Variants in NFATC1 observed in about 807,000 individuals in gnomAD.
The protein encoded by NFATC1 is nuclear factor of activated T cells 1.
NFATC1 carries 22 observed loss-of-function variants against 76.0 expected under a neutral mutation model. That is an observed-to-expected ratio of 0.29 (90% confidence interval 0.21 to 0.41). NFATC1 has a LOEUF of 0.41. Among genes scored for constraint, NFATC1 ranks in the 10% least tolerant of loss-of-function variants. The pLI, the probability that NFATC1 is intolerant of heterozygous loss-of-function variation, is 1.00. For synonymous variants in NFATC1, 704 were observed against 613.1 expected, an observed-to-expected ratio of 1.15 and a Z score of -2.19; for missense variants, 1,357 against 1,337.7, an observed-to-expected ratio of 1.01 and a Z score of -0.23.
intron 2 of NFATC1, among the ~76,000 whole-genome samples, chr18:79,426,510 T>A (rs1025407423): frequency 6.6e-6 from 1 of 152,204 alleles, no homozygotes; most frequent in Non-Finnish European, 1.5e-5. Context: ...GTGTCGGGAC[T>A]CGCAGGGCCT....
intron 2 of NFATC1, 36 bp downstream of exon 2, chr18:79,411,537 G>GGGGAGGCGCGGGGCGGGGC (rs2085683901): frequency 2.9e-6 from 4 of 1,372,932 alleles, no homozygotes; most frequent in Non-Finnish European, 3.8e-6. Context: ...GGGGAGGCGA[G>GGGGAGGCGCGGGGCGGGGC]GGGAGGCGCG....
chr18:79,442,126 G>A (rs918999197), intron 3 of NFATC1, among the ~76,000 whole-genome samples: 6 of 152,194 alleles, frequency 3.9e-5, no homozygotes, highest in Admixed American at 1.3e-4. Context: ...GCACAGGTTG[G>A]GAGAGCAGCC....
At chr18:79,414,609 T>A (rs1186241591) in intron 2 of NFATC1, among the ~76,000 whole-genome samples, 1 of 152,172 alleles carries the variant, frequency 6.6e-6, no homozygotes, top group African/African-American at 2.4e-5. Flanking sequence ...CTTGATAGTT[T>A]TAGAGTTTGG....
At position 79,524,102 on chromosome 18, in the gene NFATC1, A is replaced by G. The variant is rs2090684843; in HGVS notation, c.2783-3426A>G. The G allele has an allele frequency of 7.1e-6, 1 of 140,724 alleles. No individual in the cohort carries two copies. Among genetic ancestry groups the G allele is most frequent in the South Asian group, 2.2e-4 (1 of 4,452 alleles). The allele number at this position is 140,724 out of a possible 1,614,324, so 8.7% of individuals were successfully genotyped here. A position where few individuals can be genotyped will look rare whatever the true frequency, so the allele number is the denominator to read the frequency against. Reference sequence around the variant, plus strand: ...CAAGGAAGCCGCCCCCGGAATAGCAAGGGCAGGGCCGGGCAGCTGTGGCTG... The same window carrying G: ...CAAGGAAGCCGCCCCCGGAATAGCAGGGGCAGGGCCGGGCAGCTGTGGCTG... On this transcript the variant is annotated intron_variant, in intron 9 of 9. Transcript: ENST00000427363. The surrounding 1 kb of genome is among the most constrained non-coding windows in gnomAD (Gnocchi z 7.2).
At chr18:79,425,937 C>A (rs1485695561) in intron 2 of NFATC1, among the ~76,000 whole-genome samples, 1 of 152,216 alleles carries the variant, frequency 6.6e-6, no homozygotes, top group Non-Finnish European at 1.5e-5. Context: ...CCTGCACCAG[C>A]GTGGCAGCTC....
chr18:79,510,138 A>G (rs2090209045), intron 9 of NFATC1, among the ~76,000 whole-genome samples: 1 of 152,158 alleles, frequency 6.6e-6, no homozygotes, highest in South Asian at 2.1e-4. Flanking sequence ...AGCCCCCCCC[A>G]AGGAGGAAAT....
chr18:79,458,341 G>A (rs1022247216), intron 6 of NFATC1, among the ~76,000 whole-genome samples: 3 of 152,290 alleles, frequency 2.0e-5, no homozygotes, highest in Admixed American at 6.5e-5. Flanking sequence ...TGGGGAGCAG[G>A]GCAGGAGACG....
intron 8 of NFATC1, among the ~76,000 whole-genome samples, chr18:79,481,323 G>A (rs988247214): frequency 6.6e-6 from 1 of 152,262 alleles, no homozygotes; most frequent in Non-Finnish European, 1.5e-5. Flanking sequence ...CAGCTCTGTA[G>A]TCTCCAGACA....
chr18:79,404,648 C>T (rs1227316193), intron 1 of NFATC1, among the ~76,000 whole-genome samples: 1 of 152,230 alleles, frequency 6.6e-6, no homozygotes, highest in Admixed American at 6.5e-5. Flanking sequence ...ATAACGTCGT[C>T]TGTGATGGCC....
chr18:79,403,096 A>G (rs1364188877), intron 1 of NFATC1, among the ~76,000 whole-genome samples: 1 of 152,162 alleles, frequency 6.6e-6, no homozygotes, highest in Non-Finnish European at 1.5e-5. Flanking sequence ...AGCTGAGGTC[A>G]GTGTACCGGG....
At chr18:79,505,650 A>G (rs1202107100) in intron 9 of NFATC1, among the ~76,000 whole-genome samples, 16 of 118,698 alleles carry the variant, frequency 1.3e-4, no homozygotes, top group South Asian at 8.7e-4. Context: ...GGTGGACGAG[A>G]CCCTTGGGTG....
At chr18:79,483,517 C>G (rs1311969728) in intron 8 of NFATC1, among the ~76,000 whole-genome samples, 5 of 114,972 alleles carry the variant, frequency 4.3e-5, no homozygotes, top group Admixed American at 8.9e-5. Flanking sequence ...GTCACTCCGG[C>G]GTGACCTGGT....
Position 79,411,221 on chromosome 18 carries a change from A to G in NFATC1, c.946A>G (p.Ile316Val). Residue 316 changes from isoleucine (I) to valine (V), a missense_variant, in exon 2 of 10, where the codon ATC (isoleucine) becomes GTC (valine). This residue lies in a region of NFATC1 where 691 missense variants were observed against 613.1 expected (regional missense o/e 1.13). Transcript: ENST00000427363. ...CACCAGCTCGGCCATCGTGGCCGCC[A>G]TCAACGCGCTGACCACCGACAGCAG... ...QYTSSAIVAA[I>V]NALTTDSSLD... 5 of 1,606,218 alleles carry G rather than the reference A, an allele frequency of 3.1e-6. No homozygotes were observed. Among genetic ancestry groups the G allele is most frequent in the Non-Finnish European group, 4.2e-6 (5 of 1,179,812 alleles).
intron 6 of NFATC1, among the ~76,000 whole-genome samples, chr18:79,455,356 G>A (rs2087650630): frequency 6.6e-6 from 1 of 151,834 alleles, no homozygotes; most frequent in African/African-American, 2.4e-5. Flanking sequence ...GCCGTGACTG[G>A]CAGGCCAGCT....
chr18:79,424,823 GTCTC>G (rs1303265644), intron 2 of NFATC1, among the ~76,000 whole-genome samples: 1 of 115,912 alleles, frequency 8.6e-6, no homozygotes, highest in African/African-American at 3.3e-5. Context: ...CTGTCTCTCT[GTCTC>G]TCTCCATCTC....
At chr18:79,399,660 C>T (rs999041380) in intron 1 of NFATC1, among the ~76,000 whole-genome samples, 1 of 152,218 alleles carries the variant, frequency 6.6e-6, no homozygotes, top group African/African-American at 2.4e-5. Flanking sequence ...TTGGAGGTGC[C>T]CCTAGAAGGA....
At chr18:79,507,890 G>A (rs911312450) in intron 9 of NFATC1, among the ~76,000 whole-genome samples, 4 of 152,256 alleles carry the variant, frequency 2.6e-5, no homozygotes, top group Admixed American at 6.5e-5. Flanking sequence ...CCACCGTCCC[G>A]CGGGAAGCTG....
chr18:79,446,063 C>T (rs2087193578), intron 3 of NFATC1, among the ~76,000 whole-genome samples: 1 of 152,158 alleles, frequency 6.6e-6, no homozygotes, highest in Non-Finnish European at 1.5e-5. Context: ...AGAGGGAGGT[C>T]ATTGTTGTGA....
intron 9 of NFATC1, among the ~76,000 whole-genome samples, chr18:79,492,533 C>T (rs370736217): frequency 2.5e-4 from 38 of 152,124 alleles, no homozygotes; most frequent in East Asian, 2.3e-3. Context: ...CATGGTGAAA[C>T]CCCATCTCTA....
Sources: allele counts gnomAD v4.1 joint callset (sites outside exome capture counted in the v4.1 genomes callset), GRCh38; gene constraint gnomAD v4.1.1; regional missense constraint gnomAD v4.1.1; non-coding constraint Gnocchi (gnomAD v3.1); transcripts MANE v1.5; gene names NCBI Gene and HGNC (gene_info 2026-07-23, HGNC 2026-07-21).